Variants in DDX10 observed in about 807,000 individuals in gnomAD.
DDX10 encodes probable ATP-dependent RNA helicase DDX10.
In DDX10, 74 loss-of-function variants were observed where a neutral mutation model predicts 104.3. The ratio of observed to expected loss-of-function variants is 0.71; its 90% CI spans 0.59 to 0.86. The LOEUF is 0.86. Ranked by LOEUF, DDX10 falls within the 40% of genes least tolerant of loss-of-function variation. DDX10 has a pLI of 0.00. For synonymous variants in DDX10, 351 were observed against 353.4 expected (o/e 0.99, Z 0.08); for missense variants, 952 against 1,040.0 (o/e 0.92, Z 1.16).
intron 13 of DDX10, among the ~76,000 whole-genome samples, chr11:108,807,550 C>T (rs764200265): frequency 7.2e-5 from 11 of 152,100 alleles, no homozygotes; most frequent in Non-Finnish European, 1.3e-4. Context: ...CAATGCCTCA[C>T]GTGTGATAGA....
intron 13 of DDX10, among the ~76,000 whole-genome samples, chr11:108,828,321 A>G (rs1408423442): frequency 6.6e-6 from 1 of 152,018 alleles, no homozygotes; most frequent in Non-Finnish European, 1.5e-5. Context: ...CTTTCCCCCG[A>G]GTCTCCAAAG....
chr11:108,920,619 T>TG (rs1863811306), intron 17 of DDX10: 1 of 152,198 alleles, frequency 6.6e-6, no homozygotes, highest in South Asian at 2.1e-4. Context: ...AGTGTGATCT[T>TG]TGTAAATTAA....
At chr11:108,700,233 T>A (rs1457026546) in intron 9 of DDX10, among the ~76,000 whole-genome samples, 3 of 152,314 alleles carry the variant, frequency 2.0e-5, no homozygotes, top group East Asian at 3.9e-4. Context: ...AGCCTTTTGC[T>A]TCCCAAACTC....
At position 108,724,858 on chromosome 11, in the gene DDX10, C is replaced by G. The variant is rs1441656313; in HGVS notation, c.1965+1396C>G. On this transcript the variant is annotated intron_variant, in intron 13 of 17. Transcript: ENST00000322536. ...TTTAAGCTTTTAAAAAAGTTTTACT[C>G]TATGTCAGTTATCTAAATCAATCTA... is the stretch of plus-strand genomic sequence containing the variant. Among the ~76,000 whole-genome samples the G allele has an allele frequency of 3.3e-5, 5 of 152,118 alleles. No individual in the cohort carries two copies. In the East Asian group the frequency reaches 9.6e-4, roughly 29 times the overall value.
At chr11:108,740,227 A>T (rs961181972) in intron 13 of DDX10, among the ~76,000 whole-genome samples, 2 of 152,180 alleles carry the variant, frequency 1.3e-5, no homozygotes, top group African/African-American at 4.8e-5. Context: ...AAGTGAGAAC[A>T]TGTGGTATTT....
chr11:108,807,014 C>T (rs150488860), intron 13 of DDX10, among the ~76,000 whole-genome samples: 1 of 152,270 alleles, frequency 6.6e-6, no homozygotes, highest in Non-Finnish European at 1.5e-5. Flanking sequence ...GGTCTGTTTA[C>T]CCTGGCTGCT....
chr11:108,815,916 T>C (rs2134572433), intron 13 of DDX10, among the ~76,000 whole-genome samples: 1 of 152,250 alleles, frequency 6.6e-6, no homozygotes, highest in East Asian at 1.9e-4. Flanking sequence ...CTGCCTCACC[T>C]TAAGTTTTCT....
intron 3 of DDX10, among the ~76,000 whole-genome samples, chr11:108,676,680 C>G (rs1216202933): frequency 2.0e-5 from 3 of 152,192 alleles, no homozygotes; most frequent in African/African-American, 7.2e-5. Flanking sequence ...CTCCTGACCT[C>G]AAGTGATGCA....
chr11:108,710,681 A>T (rs2094283176), intron 10 of DDX10, among the ~76,000 whole-genome samples: 1 of 152,202 alleles, frequency 6.6e-6, no homozygotes, highest in African/African-American at 2.4e-5. Context: ...ATGGTGAATA[A>T]ATCAGTAATA....
At chr11:108,761,354 C>T (rs2094350635) in intron 13 of DDX10, among the ~76,000 whole-genome samples, 1 of 152,042 alleles carries the variant, frequency 6.6e-6, no homozygotes, top group African/African-American at 2.4e-5. Context: ...CTAGAGGCAG[C>T]GCCTCTAAAT....
At chr11:108,719,047 G>A (rs930649502) in intron 11 of DDX10, among the ~76,000 whole-genome samples, 5 of 148,910 alleles carry the variant, frequency 3.4e-5, no homozygotes, top group African/African-American at 1.2e-4. Flanking sequence ...TTGACAAACT[G>A]ATAAAGGATC....
intron 16 of DDX10, among the ~76,000 whole-genome samples, chr11:108,861,646 A>T (rs1360987016): frequency 6.6e-6 from 1 of 152,198 alleles, no homozygotes; most frequent in Non-Finnish European, 1.5e-5. Context: ...GGGAGTCATT[A>T]CTGGGAAGGA....
At chr11:108,805,933 A>T (rs921227428) in intron 13 of DDX10, among the ~76,000 whole-genome samples, 2 of 152,108 alleles carry the variant, frequency 1.3e-5, no homozygotes, top group African/African-American at 4.8e-5. Flanking sequence ...AAAATTGTTT[A>T]CACATTTTAA....
intron 13 of DDX10, among the ~76,000 whole-genome samples, chr11:108,823,930 TGA>T (rs1252522150): frequency 6.6e-6 from 1 of 152,214 alleles, no homozygotes; most frequent in Non-Finnish European, 1.5e-5. Context: ...ACATTCTTGC[TGA>T]GTCTCTGGTA....
intron 13 of DDX10, chr11:108,767,385 C>G (rs748555063): frequency 1.3e-5 from 2 of 152,146 alleles, no homozygotes; most frequent in African/African-American, 4.8e-5. Flanking sequence ...ATTCAGGCAT[C>G]GTAGACTTGA....
At chr11:108,681,622 A>T (rs958785279) in intron 6 of DDX10, among the ~76,000 whole-genome samples, 1 of 152,224 alleles carries the variant, frequency 6.6e-6, no homozygotes, top group Non-Finnish European at 1.5e-5. Flanking sequence ...GAAAAATTAG[A>T]TCTTTCTGAA....
At chr11:108,818,536 A>G (rs1476197981) in intron 13 of DDX10, among the ~76,000 whole-genome samples, 2 of 152,214 alleles carry the variant, frequency 1.3e-5, no homozygotes, top group Non-Finnish European at 2.9e-5. Flanking sequence ...AGTCAACTCA[A>G]CCTGTTTACT....
At chr11:108,665,743 C>G (rs931094131) in intron 1 of DDX10, among the ~76,000 whole-genome samples, 6 of 152,056 alleles carry the variant, frequency 3.9e-5, no homozygotes, top group African/African-American at 1.4e-4. Flanking sequence ...AATTGAGGTT[C>G]TAAGAGGAAT....
Position 108,911,553 on chromosome 11 carries a change from C to CTTTTTTTTTTTT in DDX10, c.2305-6318_2305-6317insTTTTTTTTTTTT, listed in dbSNP as rs1565316439. Among the ~76,000 whole-genome samples the CTTTTTTTTTTTT allele has an allele frequency of 6.0e-5, 7 of 117,146 alleles. 1 individual carries two copies. The highest frequency in any genetic ancestry group is 9.9e-5 in the African/African-American group (3 of 30,420). The allele number at this position is 117,146 out of a possible 152,430, so 76.9% of individuals were successfully genotyped here. A position where few individuals can be genotyped will look rare whatever the true frequency, so the allele number is the denominator to read the frequency against. On this transcript the variant is annotated intron_variant, in intron 16 of 17. Coordinates refer to ENST00000322536, the MANE Select transcript of DDX10 (RefSeq NM_004398.4). ...CCAGTTCCCAAAAGCTTTGCCTCCT[C>CTTTTTTTTTTTT]TTCTTTTTTTTTTTTTTTTTTTTTT...
Sources: allele counts gnomAD v4.1 joint callset (sites outside exome capture counted in the v4.1 genomes callset), GRCh38; gene constraint gnomAD v4.1.1; transcripts MANE v1.5; gene names NCBI Gene and HGNC (gene_info 2026-07-23, HGNC 2026-07-21).